Variants in TTC28 observed in about 807,000 individuals in gnomAD.
The protein encoded by TTC28 is tetratricopeptide repeat protein 28.
A neutral mutation model predicts 198.0 loss-of-function variants in TTC28; 61 were observed. The observed-to-expected ratio is 0.31, with a 90% CI of 0.25 to 0.38. The LOEUF is 0.38. Ranked by LOEUF, TTC28 falls within the 10% of genes least tolerant of loss-of-function variation. The pLI is 1.00. For missense variants in TTC28, 2,678 were observed against 3,164.0 expected (o/e 0.85, Z 3.69); for synonymous variants, 1,171 against 1,297.8 (o/e 0.90, Z 2.10).
At chr22:28,135,347 T>C (rs1183569049) in intron 6 of TTC28, among the ~76,000 whole-genome samples, 1 of 152,218 alleles carries the variant, frequency 6.6e-6, no homozygotes, top group Non-Finnish European at 1.5e-5. Context: ...ATTTACAAAA[T>C]ATGCACAATA....
chr22:28,051,367 T>A (rs1028550917), intron 12 of TTC28, among the ~76,000 whole-genome samples: 1 of 152,236 alleles, frequency 6.6e-6, no homozygotes, highest in Non-Finnish European at 1.5e-5. Context: ...ATTTGTTTTC[T>A]GAGAGGATAT....
intron 5 of TTC28, among the ~76,000 whole-genome samples, chr22:28,202,323 G>C (rs1926034156): frequency 6.6e-6 from 1 of 152,062 alleles, no homozygotes; most frequent in Non-Finnish European, 1.5e-5. Context: ...GATTACTTGA[G>C]GTCAGGAGTT....
intron 2 of TTC28, among the ~76,000 whole-genome samples, chr22:28,336,307 T>C (rs913096922): frequency 6.6e-6 from 1 of 152,130 alleles, no homozygotes; most frequent in East Asian, 1.9e-4. Context: ...TCTCTTTTTT[T>C]GTTGTCTCCA....
intron 2 of TTC28, chr22:28,443,213 G>T (rs985120702): frequency 6.6e-6 from 1 of 152,226 alleles, no homozygotes; most frequent in Admixed American, 6.5e-5. Context: ...GTAGCAGGGG[G>T]TCTCCAAGCT....
chr22:28,133,543 A>G (rs1183699824), intron 6 of TTC28, among the ~76,000 whole-genome samples: 1 of 152,162 alleles, frequency 6.6e-6, no homozygotes, highest in African/African-American at 2.4e-5. Context: ...GTCTTAGCAA[A>G]CGGCACACCA....
chr22:28,435,404 A>G (rs1446362644), intron 2 of TTC28, among the ~76,000 whole-genome samples: 14 of 152,262 alleles, frequency 9.2e-5, no homozygotes, highest in African/African-American at 3.4e-4. Flanking sequence ...TGAAAATGTC[A>G]GTTAAATGAT....
At chr22:28,322,889 C>G (rs145288895) in intron 2 of TTC28, among the ~76,000 whole-genome samples, 2 of 152,252 alleles carry the variant, frequency 1.3e-5, no homozygotes, top group African/African-American at 4.8e-5. Context: ...TAGAATCTAG[C>G]TGCATTCCTT....
intron 2 of TTC28, among the ~76,000 whole-genome samples, chr22:28,370,717 G>C (rs2046318973): frequency 6.6e-6 from 1 of 152,180 alleles, no homozygotes; most frequent in South Asian, 2.1e-4. Flanking sequence ...GTAGTAGAGA[G>C]AGAGACAGAT....
intron 2 of TTC28, among the ~76,000 whole-genome samples, chr22:28,483,000 T>A (rs1013501082): frequency 2.8e-4 from 43 of 152,220 alleles, no homozygotes; most frequent in African/African-American, 9.9e-4. Context: ...TTTCTACCTA[T>A]TACCTGTTGT....
chr22:28,128,030 C>G (rs149739806), intron 6 of TTC28, among the ~76,000 whole-genome samples: 2 of 151,934 alleles, frequency 1.3e-5, no homozygotes, highest in African/African-American at 4.8e-5. Context: ...TACCTAGACA[C>G]CTTCTTCATT....
At chr22:28,552,422 C>T (rs868651781) in intron 2 of TTC28, among the ~76,000 whole-genome samples, 4 of 151,992 alleles carry the variant, frequency 2.6e-5, no homozygotes, top group Non-Finnish European at 1.5e-5. Context: ...CGCATAGCCA[C>T]GTAAGACTAA....
intron 2 of TTC28, among the ~76,000 whole-genome samples, chr22:28,608,394 G>GGTA (rs1218110160): frequency 1.3e-5 from 2 of 152,140 alleles, no homozygotes; most frequent in East Asian, 3.9e-4. Flanking sequence ...CTAACTCAGA[G>GGTA]GTAGCTGTGT....
chr22:28,433,374 C>A (rs1013778262), intron 2 of TTC28, among the ~76,000 whole-genome samples: 1 of 152,086 alleles, frequency 6.6e-6, no homozygotes, highest in East Asian at 1.9e-4. Flanking sequence ...CGGCCCTCCC[C>A]CTTAAAGTAC....
intron 2 of TTC28, among the ~76,000 whole-genome samples, chr22:28,524,478 A>T (rs1398309368): frequency 3.3e-5 from 5 of 150,280 alleles, no homozygotes; most frequent in Non-Finnish European, 7.4e-5. Flanking sequence ...AAAAAAAAAA[A>T]TATTCAACGG....
intron 2 of TTC28, among the ~76,000 whole-genome samples, chr22:28,389,142 A>G (rs930783950): frequency 2.0e-5 from 3 of 152,178 alleles, no homozygotes; most frequent in Admixed American, 6.5e-5. Flanking sequence ...ACTGGATTAC[A>G]TTTATTGATT....
intron 2 of TTC28, among the ~76,000 whole-genome samples, chr22:28,561,008 C>T (rs1398970184): frequency 9.2e-5 from 14 of 151,362 alleles, no homozygotes; most frequent in African/African-American, 2.9e-4. Context: ...CTGCCCACCT[C>T]GGCCTCCCAA....
intron 6 of TTC28, among the ~76,000 whole-genome samples, chr22:28,133,878 G>A (rs999109574): frequency 5.3e-5 from 8 of 152,208 alleles, no homozygotes; most frequent in African/African-American, 1.7e-4. Flanking sequence ...CTCCCAGCAC[G>A]CAGCTTGAGA....
At chr22:28,392,942 A>T (rs1229041298) in intron 2 of TTC28, among the ~76,000 whole-genome samples, 1 of 138,274 alleles carries the variant, frequency 7.2e-6, no homozygotes, top group Non-Finnish European at 1.5e-5. Context: ...GTGGTATGAT[A>T]AATGGCTCAC....
rs540320525 is a variant in TTC28, at chr22:28,357,593, G to A, written c.382-50950C>T. On this transcript the variant is annotated intron_variant, in intron 2 of 22. Transcript: ENST00000397906. ...CCCAAAGTGCTAGGATTACAGGCAT[G>A]AGCCACCAAGCCCAGCCACTTTTAT... Among the ~76,000 whole-genome samples, 16 of 152,226 alleles carry A rather than the reference G, an allele frequency of 1.1e-4. No homozygotes were observed. The South Asian group carries it at 2.7e-3, about 26-fold the overall frequency.
Sources: gnomAD v4.1 joint callset for allele counts (sites outside exome capture counted in the v4.1 genomes callset) on GRCh38, gnomAD v4.1.1 for gene constraint, MANE v1.5 for transcripts, NCBI Gene and HGNC (gene_info 2026-07-23, HGNC 2026-07-21) for gene names.